RANBP2: variants seen among roughly 807,000 people sequenced by gnomAD.
RANBP2 encodes the protein E3 SUMO-protein ligase RanBP2.
Under a neutral mutation model 303.6 loss-of-function variants are expected in RANBP2, and 57 were observed. The ratio of observed to expected loss-of-function variants is 0.19; its 90% CI spans 0.15 to 0.23. The LOEUF is 0.23. Ranked by LOEUF, RANBP2 falls within the 10% of genes least tolerant of loss-of-function variation. The pLI is 1.00. For synonymous variants in RANBP2, 1,167 were observed against 1,301.5 expected (o/e 0.90, Z 2.23); for missense variants, 3,138 against 3,780.8 (o/e 0.83, Z 4.46).
chr2:109,535,090 AG>A, the RANBP2 span, among the ~76,000 whole-genome samples: 1 of 152,180 alleles, frequency 6.6e-6, no homozygotes, highest in Non-Finnish European at 1.5e-5. Flanking sequence ...AGGAAGATGG[AG>A]GCTATTAGGC....
chr2:109,260,554 T>G, the RANBP2 span, among the ~76,000 whole-genome samples: 1 of 152,196 alleles, frequency 6.6e-6, no homozygotes, highest in Non-Finnish European at 1.5e-5. Context: ...CAGGGACACC[T>G]TGGTCATAGG....
the RANBP2 span, among the ~76,000 whole-genome samples, chr2:108,917,797 C>T: frequency 3.9e-3 from 590 of 152,166 alleles, 4 homozygotes; most frequent in African/African-American, 0.013. Flanking sequence ...TGAGCAGATC[C>T]GGTCCCAAAG....
the RANBP2 span, among the ~76,000 whole-genome samples, chr2:109,454,640 G>A: frequency 5.3e-5 from 8 of 152,146 alleles, no homozygotes; most frequent in African/African-American, 1.9e-4. Flanking sequence ...CAGTGGATTG[G>A]GACCCACATT....
At chr2:109,471,674 C>T in the RANBP2 span, among the ~76,000 whole-genome samples, 1 of 152,202 alleles carries the variant, frequency 6.6e-6, no homozygotes, top group East Asian at 1.9e-4. Flanking sequence ...AGGACACATG[C>T]TGGGGCGGGG....
At chr2:109,623,948 G>A in the RANBP2 span, among the ~76,000 whole-genome samples, 1 of 152,108 alleles carries the variant, frequency 6.6e-6, no homozygotes, top group Admixed American at 6.5e-5. Flanking sequence ...AAAACACAGG[G>A]GTCTTCCCCT....
chr2:109,557,430 A>G, the RANBP2 span, among the ~76,000 whole-genome samples: 1 of 152,214 alleles, frequency 6.6e-6, no homozygotes, highest in Non-Finnish European at 1.5e-5. Context: ...TAAGAAAACT[A>G]AAGCACAGAG....
chr2:109,340,403 G>A, the RANBP2 span, among the ~76,000 whole-genome samples: 17,662 of 152,256 alleles, frequency 0.12, 1,181 homozygotes, highest in Middle Eastern at 0.21. Flanking sequence ...CTGGAACCCA[G>A]AGAAGCACAT....
Position 108,771,668 on chromosome 2 carries a change from T to C in RANBP2, c.7850-33T>C, listed in dbSNP as rs1347335260. ...GTATTAACGTCAATACTTAATACCT[T>C]ATCTTTGTCAATTTTTTTGACTGGT... On this transcript the variant is annotated intron_variant, in intron 20 of 28. Transcript: ENST00000283195. 3.1e-6 allele frequency: 5 copies of C among 1,607,442 alleles called. No individual in the cohort carries two copies. In the South Asian group the frequency reaches 3.3e-5, roughly 11 times the overall value.
At chr2:109,244,828 A>G in the RANBP2 span, among the ~76,000 whole-genome samples, 10 of 152,182 alleles carry the variant, frequency 6.6e-5, no homozygotes, top group South Asian at 2.1e-4. Flanking sequence ...TGGCCTGAGA[A>G]CAGGGGAGGT....
At chr2:109,267,464 C>T in the RANBP2 span, among the ~76,000 whole-genome samples, 1 of 152,214 alleles carries the variant, frequency 6.6e-6, no homozygotes, top group African/African-American at 2.4e-5. Flanking sequence ...GGCTGCTTTT[C>T]ATAAAGACAG....
At chr2:109,520,135 C>A in the RANBP2 span, among the ~76,000 whole-genome samples, 1 of 152,092 alleles carries the variant, frequency 6.6e-6, no homozygotes, top group Non-Finnish European at 1.5e-5. Flanking sequence ...CTAGATGTTG[C>A]CATTGGGGAA....
the RANBP2 span, among the ~76,000 whole-genome samples, chr2:109,059,371 C>G: frequency 6.6e-6 from 1 of 152,072 alleles, no homozygotes; most frequent in Non-Finnish European, 1.5e-5. Flanking sequence ...GTCAGGAGAC[C>G]AAGACCATCC....
the RANBP2 span, among the ~76,000 whole-genome samples, chr2:108,848,294 T>C: frequency 6.6e-6 from 1 of 152,174 alleles, no homozygotes; most frequent in Admixed American, 6.5e-5. Context: ...AGAAGGGAAT[T>C]AGGTGCTCTC....
At chr2:109,428,246 T>A in the RANBP2 span, among the ~76,000 whole-genome samples, 1 of 152,162 alleles carries the variant, frequency 6.6e-6, no homozygotes, top group African/African-American at 2.4e-5. Flanking sequence ...CAAGCCACCA[T>A]CTAGAGGAGA....
chr2:109,490,483 T>G, the RANBP2 span: 1 of 875,568 alleles, frequency 1.1e-6, no homozygotes, highest in Non-Finnish European at 1.6e-6. Flanking sequence ...AAGTCTTTTG[T>G]CTGAAAAAAT....
the RANBP2 span, chr2:108,816,184 C>G: frequency 9.5e-7 from 1 of 1,057,768 alleles, no homozygotes. Context: ...GGCACAGTGG[C>G]TCACGTCTAT....
At position 108,758,505 on chromosome 2, in the gene RANBP2, T is replaced by A. The variant is rs148999619; in HGVS notation, c.2559T>A (p.Asp853Glu). Reference sequence around the variant, plus strand: ...ATTATGGACCAGACTCAGTGCCTGATGGATATCAGGGGTCACAGACATTTC... The same window carrying A: ...ATTATGGACCAGACTCAGTGCCTGAAGGATATCAGGGGTCACAGACATTTC... ...TENYGPDSVP[D>E]GYQGSQTFHG... Residue 853 changes from aspartate to glutamate, a missense_variant, in exon 18 of 29, where the codon GAT (aspartate) becomes GAA (glutamate). Asp to Glu is a conservative substitution (Grantham distance 45). This residue lies in a region of RANBP2 where 26 missense variants were observed against 58.0 expected (regional missense o/e 0.45). Coordinates refer to ENST00000283195, the MANE Select transcript of RANBP2 (RefSeq NM_006267.5). 3,622 of 1,611,274 alleles carry A rather than the reference T, an allele frequency of 2.2e-3. 85 individuals carry two copies. The African/African-American group carries it at 0.045, about 20-fold the overall frequency.
At chr2:108,941,890 C>T in the RANBP2 span, among the ~76,000 whole-genome samples, 6 of 151,970 alleles carry the variant, frequency 3.9e-5, no homozygotes, top group Admixed American at 6.5e-5. Context: ...GGCCAGTGCC[C>T]GACAGCAGGT....
At chr2:109,777,689 C>CT in the RANBP2 span, among the ~76,000 whole-genome samples, 1 of 127,180 alleles carries the variant, frequency 7.9e-6, no homozygotes, top group Non-Finnish European at 1.6e-5. Context: ...GATTTGAGTA[C>CT]TTGAGTACTC....
Sources: gnomAD v4.1 joint callset for allele counts (sites outside exome capture counted in the v4.1 genomes callset) on GRCh38, gnomAD v4.1.1 for gene constraint, gnomAD v4.1.1 regional missense constraint, MANE v1.5 for transcripts, NCBI Gene and HGNC (gene_info 2026-07-23, HGNC 2026-07-21) for gene names.